Variants in FAT1 observed in about 807,000 individuals in gnomAD.
FAT1 encodes protocadherin Fat 1.
A neutral mutation model predicts 329.8 loss-of-function variants in FAT1; 171 were observed. The observed-to-expected ratio is 0.52, with a 90% CI of 0.46 to 0.59. The LOEUF (loss-of-function observed/expected upper bound fraction) is 0.59, where lower values mean the gene tolerates loss of function less well. Ranked by LOEUF, FAT1 falls within the 20% of genes least tolerant of loss-of-function variation. The probability of loss-of-function intolerance (pLI) is 0.00; values close to 1 mark genes in which losing one functional copy is unlikely to be tolerated. For missense variants in FAT1, 5,672 were observed against 5,774.4 expected (o/e 0.98, Z 0.57); for synonymous variants, 2,233 against 2,228.6 (o/e 1.00, Z -0.06).
At position 186,618,045 on chromosome 4, in the gene FAT1, G is replaced by A. The variant is rs772702328; in HGVS notation, c.8541C>T (p.Ser2847=). The change falls in exon 10 of 27, where the codon AGC becomes AGT. Residue 2847 remains serine, a synonymous_variant. Coordinates refer to ENST00000441802, the MANE Select transcript of FAT1 (RefSeq NM_005245.4). ...DSGTNGQVMY[S]LDQSQSVEVI... The stretch of plus-strand genomic sequence containing the variant: ...CTTCCACACTTTGTGACTGATCCAG[G>A]CTATACATAACTTGGCCGTTGGTTC... The A allele has an allele frequency of 5.6e-6, 9 of 1,613,988 alleles. No homozygotes were observed. In the South Asian group the frequency reaches 9.9e-5, roughly 18 times the overall value.
chr4:186,694,322 G>A (rs1417471079), intron 2 of FAT1, among the ~76,000 whole-genome samples: 6 of 152,118 alleles, frequency 3.9e-5, no homozygotes, highest in Non-Finnish European at 8.8e-5. Flanking sequence ...CTTCCACAAC[G>A]GTTTCCTTTC....
At position 186,620,983 on chromosome 4, in the gene FAT1, T is replaced by G; in HGVS notation, c.5603A>C (p.His1868Pro). The change falls in exon 10 of 27, where the codon CAT becomes CCT. Residue 1868 changes from histidine (H) to proline (P), a missense_variant. Around this residue, in one of 2 missense-constraint regions of FAT1, gnomAD observed 3,966 missense variants for 3,915.2 expected, o/e 1.01. Transcript: ENST00000441802. ...FAEYAANVTV[H>P]VIDINDCPPV... is the part of the protein sequence containing the mutation. ...GGGGCAGTCATTAATGTCAATTACA[T>G]GTACTGTTACATTCGCTGCATACTC... 1 of 1,613,368 alleles carries G rather than the reference T, an allele frequency of 6.2e-7. No individual in the cohort carries two copies. Among genetic ancestry groups the G allele is most frequent in the Non-Finnish European group, 8.5e-7 (1 of 1,179,888 alleles).
In FAT1 at chr4:186,618,005, C is replaced by T. The variant is rs770113918; in HGVS notation, c.8581G>A (p.Ala2861Thr). 1 of 1,614,012 alleles carries T rather than the reference C, an allele frequency of 6.2e-7. No homozygotes were observed. The highest frequency in any genetic ancestry group is 1.1e-5 in the South Asian group (1 of 91,086). ...ATCCAGCCTGTTTCCATGTTAATGG[C>T]AAAGGATTCAATGACTTCCACACTT... ...SQSVEVIESF[A>T]INMETGWITT... The change falls in exon 10 of 27, where the codon GCC becomes ACC. Residue 2861 changes from alanine (A) to threonine (T), a missense_variant. By Grantham distance (58) the Ala-to-Thr change is moderately conservative. Transcript: ENST00000441802.
intron 9 of FAT1, among the ~76,000 whole-genome samples, chr4:186,623,237 T>C (rs67785277): frequency 0.13 from 20,440 of 152,270 alleles, 1,614 homozygotes; most frequent in East Asian, 0.39. Context: ...TGGGTCCTGC[T>C]GCCTCTGCCA....
chr4:186,603,972 T>C lies in FAT1; in HGVS notation c.10554A>G (p.Ala3518=). 1 of 1,606,736 alleles carries C rather than the reference T, an allele frequency of 6.2e-7. No individual in the cohort carries two copies. ...KDHYLLQVKV[A]DNGKPQLSSL... is the part of the protein sequence containing the mutation. ...ATGACAACTGAGGCTTTCCATTATC[T>C]GCCACCTACAAGAAAAGAAAAATAA... The change falls in exon 19 of 27, where the codon GCA becomes GCG. Residue 3518 remains alanine, a synonymous_variant. Transcript: ENST00000441802.
rs569489430 is a variant in FAT1, at chr4:186,657,493, T to G, written c.3580+5806A>C. On this transcript the variant is annotated intron_variant, in intron 3 of 26. Coordinates refer to ENST00000441802, the MANE Select transcript of FAT1 (RefSeq NM_005245.4). ...TTGACTAGAGATGGAGGTGGGAGGG[T>G]TGGGAGGGGGAATACAGAGAAGTGT... Among the ~76,000 whole-genome samples, 4 of 151,742 alleles carry G rather than the reference T, an allele frequency of 2.6e-5. No individual in the cohort carries two copies. The East Asian group carries it at 7.8e-4, about 30-fold the overall frequency.
At chr4:186,645,094 G>C (rs1741291624) in intron 3 of FAT1, among the ~76,000 whole-genome samples, 1 of 152,044 alleles carries the variant, frequency 6.6e-6, no homozygotes, top group African/African-American at 2.4e-5. Flanking sequence ...GAAAAGTGTG[G>C]ACTTGGTTGG....
At position 186,636,233 on chromosome 4, in the gene FAT1, A is replaced by C; in HGVS notation, c.3975T>G (p.Ile1325Met). ...SAAGEYDILS[I>M]KAVDNGRPQK... is the part of the protein sequence containing the mutation. ...GAGGGCGACCATTGTCAACTGCCTT[A>C]ATCTACAACATTTGGGCAGAGGGGA... Residue 1325 changes from isoleucine (I) to methionine (M), a missense_variant and splice_region_variant, in exon 6 of 27, where the codon ATT becomes ATG. Ile to Met is a conservative substitution (Grantham distance 10). Transcript: ENST00000441802. 1.2e-6 allele frequency: 2 copies of C among 1,613,816 alleles called. No homozygotes were observed. The highest frequency in any genetic ancestry group is 1.7e-5 in the Admixed American group (1 of 60,028).
intron 2 of FAT1, among the ~76,000 whole-genome samples, chr4:186,664,852 G>A (rs542826872): frequency 2.0e-5 from 3 of 152,132 alleles, no homozygotes; most frequent in Non-Finnish European, 2.9e-5. Context: ...GAAGTTTCCC[G>A]TTAAACGCAA....
intron 3 of FAT1, among the ~76,000 whole-genome samples, chr4:186,648,644 T>G (rs879605181): frequency 6.6e-6 from 1 of 152,190 alleles, no homozygotes; most frequent in African/African-American, 2.4e-5. Flanking sequence ...AATAATTTCC[T>G]GAAGGTCTGA....
chr4:186,667,664 T>C (rs1742521728), intron 2 of FAT1, among the ~76,000 whole-genome samples: 2 of 150,690 alleles, frequency 1.3e-5, no homozygotes, highest in South Asian at 2.1e-4. Context: ...AATCCTCAGA[T>C]CCCTCATGTC....
At chr4:186,592,614 T>C (rs1738298971) in intron 26 of FAT1, 1 of 445,914 alleles carries the variant, frequency 2.2e-6, no homozygotes, top group Non-Finnish European at 4.5e-6. Context: ...TTTCCTACCA[T>C]TGCAATAGCA....
In FAT1 at chr4:186,636,782, T is replaced by C. The variant is rs2126564329; in HGVS notation, c.3775A>G (p.Lys1259Glu). The change falls in exon 5 of 27, where the codon AAG becomes GAG. Residue 1259 changes from lysine (K) to glutamate (E), a missense_variant. Lys to Glu is a moderately conservative substitution (Grantham distance 56). This residue lies in a region of FAT1 where 3,966 missense variants were observed against 3,915.2 expected (regional missense o/e 1.01). Transcript: ENST00000441802. The stretch of plus-strand genomic sequence containing the variant: ...CTGGCATTTCTTTCTCGGTCTGGCT[T>C]TTCCCGCTCAGGGAGTCTGATTTTG... The part of the protein sequence containing the change: ...FYKIRLPERE[K>E]PDRERNARRE... 6.2e-7 allele frequency: 1 copy of C among 1,613,996 alleles called. No individual in the cohort carries two copies. The highest frequency in any genetic ancestry group is 2.2e-5 in the East Asian group (1 of 44,866).
rs767067542 is a variant in FAT1 at position 186,708,858 on chromosome 4, C to A, written c.970G>T (p.Asp324Tyr). ...TAGCCGAAAGGATGACTGTCCCAAT[C>A]AATGCCACCGATGGCTTTGACTTTA... ...EYKVKAIGGI[D>Y]WDSHPFGYNL... The change falls in exon 2 of 27, where the codon GAT becomes TAT. Residue 324 changes from aspartate (D) to tyrosine (Y), a missense_variant. Physicochemically the swap from Asp to Tyr is radical, Grantham distance 160. Transcript: ENST00000441802. 13 of 1,613,860 alleles carry A rather than the reference C, an allele frequency of 8.1e-6. No homozygotes were observed. The East Asian group carries it at 2.9e-4, about 36-fold the overall frequency.
intron 12 of FAT1, among the ~76,000 whole-genome samples, chr4:186,613,710 CAGGAAACTT>C (rs756447856): frequency 3.3e-5 from 5 of 152,168 alleles, no homozygotes; most frequent in Non-Finnish European, 7.3e-5. Flanking sequence ...AAAGGCTTAA[CAGGAAACTT>C]AGTTGATCCC....
intron 2 of FAT1, among the ~76,000 whole-genome samples, chr4:186,690,771 T>C (rs1204473527): frequency 6.6e-6 from 1 of 152,162 alleles, no homozygotes; most frequent in African/African-American, 2.4e-5. Context: ...CATAAGTCTC[T>C]AAACTTGCAT....
Position 186,618,194 on chromosome 4 carries a change from G to T in FAT1, c.8392C>A (p.Gln2798Lys), listed in dbSNP as rs1485104926. 1 of 1,613,924 alleles carries T rather than the reference G, an allele frequency of 6.2e-7. No individual in the cohort carries two copies. Among genetic ancestry groups the T allele is most frequent in the African/African-American group, 1.3e-5 (1 of 74,994 alleles). ...EMVASVDVSI[Q>K]VKDANDNSPV... ...CTGTTGTCATTTGCATCTTTCACTT[G>T]GATACTAACATCTACAGAAGCCACC... The change falls in exon 10 of 27, where the codon CAA becomes AAA. Residue 2798 changes from glutamine to lysine, a missense_variant. Physicochemically the swap from Gln to Lys is moderately conservative, Grantham distance 53 (BLOSUM62 1). Transcript: ENST00000441802.
rs764891067 is a variant in FAT1 at position 186,636,178 on chromosome 4, C to T, written c.4030G>A (p.Glu1344Lys). 2 of 1,613,956 alleles carry T rather than the reference C, an allele frequency of 1.2e-6. No individual in the cohort carries two copies. Among genetic ancestry groups the T allele is most frequent in the South Asian group, 2.2e-5 (2 of 91,072 alleles). ...QKSSTTRLHI[E>K]WISKPKPSLE... The stretch of plus-strand genomic sequence containing the variant: ...GACGGTTTGGGCTTGGAGATCCATT[C>T]AATATGGAGTCTGGTGGTTGATGAC... Residue 1344 changes from glutamate (E) to lysine (K), a missense_variant, in exon 6 of 27, where the codon GAA becomes AAA. Coordinates refer to ENST00000441802, the MANE Select transcript of FAT1 (RefSeq NM_005245.4).
Position 186,609,856 on chromosome 4 carries a change from T to C in FAT1, c.10013A>G (p.Asp3338Gly). ...INDNTPVFSQ[D>G]TYTTVISEDA... is the part of the protein sequence containing the mutation. ...TTCACTGATGACTGTCGTGTAGGTG[T>C]CTTGGCTGAACACAGGGGTATTATC... Residue 3338 changes from aspartate to glycine, a missense_variant, in exon 15 of 27, where the codon GAC becomes GGC. Physicochemically the swap from Asp to Gly is moderately conservative, Grantham distance 94. Transcript: ENST00000441802. 1 of 1,613,274 alleles carries C rather than the reference T, an allele frequency of 6.2e-7. No individual in the cohort carries two copies. Among genetic ancestry groups the C allele is most frequent in the Non-Finnish European group, 8.5e-7 (1 of 1,179,596 alleles).
Sources: gnomAD v4.1 joint callset for allele counts (sites outside exome capture counted in the v4.1 genomes callset) on GRCh38, gnomAD v4.1.1 for gene constraint, gnomAD v4.1.1 regional missense constraint, MANE v1.5 for transcripts, NCBI Gene and HGNC (gene_info 2026-07-23, HGNC 2026-07-21) for gene names.